Variants in ANKRD28 observed in about 807,000 individuals in gnomAD.
ANKRD28 encodes the protein serine/threonine-protein phosphatase 6 regulatory ankyrin repeat subunit A.
A neutral mutation model predicts 126.5 loss-of-function variants in ANKRD28; 44 were observed. The observed-to-expected ratio is 0.35, with a 90% CI of 0.27 to 0.45. The LOEUF is 0.45. ANKRD28 is among the 20% of genes least tolerant of loss of function. ANKRD28 has a pLI of 1.00. For missense variants in ANKRD28, 1,110 were observed against 1,316.6 expected (o/e 0.84, Z 2.43); for synonymous variants, 442 against 468.5 (o/e 0.94, Z 0.73).
intron 4 of ANKRD28, among the ~76,000 whole-genome samples, chr3:15,749,093 A>ATTTTTTTT (rs1559466121): frequency 1.6e-4 from 9 of 57,796 alleles, no homozygotes; most frequent in African/African-American, 4.0e-4. Context: ...ATTCTATATT[A>ATTTTTTTT]TGTTTTTGTT....
chr3:15,831,240 C>G (rs79642013), intron 1 of ANKRD28, among the ~76,000 whole-genome samples: 2 of 152,158 alleles, frequency 1.3e-5, no homozygotes, highest in African/African-American at 4.8e-5. Context: ...AGATCAAACT[C>G]CTGAGTATAT....
At chr3:15,727,858 G>A (rs1393162176) in intron 6 of ANKRD28, among the ~76,000 whole-genome samples, 1 of 152,200 alleles carries the variant, frequency 6.6e-6, no homozygotes. Flanking sequence ...CAGTGGTTTT[G>A]TGAGATGGAA....
In ANKRD28 at chr3:15,846,767, A is replaced by G. The variant is rs2061540611; in HGVS notation, c.27+12610T>C. On this transcript the variant is annotated intron_variant, in intron 1 of 27. Coordinates refer to the ANKRD28 transcript ENST00000399451. This position sits in a 1 kb window ranked among gnomAD's most constrained non-coding sequence, Gnocchi z 5.4. Reference sequence around the variant, plus strand: ...GGAGGCTGGAGACAACCCAGGCTGAAAGAAGTTCAGTTCTCTTTGACCCCT... The same window carrying G: ...GGAGGCTGGAGACAACCCAGGCTGAGAGAAGTTCAGTTCTCTTTGACCCCT... 6.6e-6 allele frequency among the ~76,000 whole-genome samples: 1 copy of G among 152,200 alleles called. No homozygotes were observed. The highest frequency in any genetic ancestry group is 1.5e-5 in the Non-Finnish European group (1 of 68,026).
chr3:15,820,178 C>T (rs1303622745), intron 1 of ANKRD28, among the ~76,000 whole-genome samples: 1 of 152,130 alleles, frequency 6.6e-6, no homozygotes, highest in Non-Finnish European at 1.5e-5. Context: ...TTGTTATGCA[C>T]CCACTTGTGC....
chr3:15,676,114 C>T (rs1455030603), intron 26 of ANKRD28, 125 bp from the exon 27 acceptor site: 4 of 632,858 alleles, frequency 6.3e-6, no homozygotes, highest in Non-Finnish European at 1.0e-5. Context: ...CTCGAGAAAC[C>T]TAGTCCTAAT....
At chr3:15,679,681 G>C (rs2067316899) in intron 21 of ANKRD28, 118 bp from the exon 22 acceptor site, 4 of 746,514 alleles carry the variant, frequency 5.4e-6, no homozygotes, top group Non-Finnish European at 8.8e-6. Flanking sequence ...CCATCTCCCA[G>C]ATCCCCTCTC....
chr3:15,671,729 G>A (rs1438348142), intron 27 of ANKRD28, among the ~76,000 whole-genome samples: 1 of 151,810 alleles, frequency 6.6e-6, no homozygotes, highest in Non-Finnish European at 1.5e-5. Context: ...GATTACACGT[G>A]TGTGCCACCA....
chr3:15,680,502 C>T (rs1028555861), intron 21 of ANKRD28, among the ~76,000 whole-genome samples: 4 of 152,098 alleles, frequency 2.6e-5, no homozygotes, highest in Non-Finnish European at 4.4e-5. Flanking sequence ...CCACCATGCC[C>T]GGCTAAAATC....
intron 10 of ANKRD28, 52 bp from the exon 11 acceptor site, chr3:15,712,274 A>T: frequency 7.3e-7 from 1 of 1,366,816 alleles, no homozygotes. Flanking sequence ...AGAAAAATAC[A>T]ATCAGTTAAA....
Position 15,857,656 on chromosome 3 carries a change from C to T in ANKRD28, c.27+1721G>A, listed in dbSNP as rs555352955. ...TATACATAAGACTGGAGTGGCATCA[C>T]AATTTTCTCACAACTGCAATTCCAA... On this transcript the variant is annotated intron_variant, in intron 1 of 27. Coordinates refer to the ANKRD28 transcript ENST00000399451. Among the ~76,000 whole-genome samples, 310 of 152,334 alleles carry T rather than the reference C, an allele frequency of 2.0e-3. 1 individual carries two copies. The highest frequency in any genetic ancestry group is 6.8e-3 in the Middle Eastern group (2 of 294).
In ANKRD28 at chr3:15,843,637, T is replaced by C. The variant is rs965070096; in HGVS notation, c.27+15740A>G. 6.7e-6 allele frequency among the ~76,000 whole-genome samples: 1 copy of C among 149,924 alleles called. No individual in the cohort carries two copies. The highest frequency in any genetic ancestry group is 2.5e-5 in the African/African-American group (1 of 40,576). ...AAATTAAAGTGTAGAAATAAAACAA[T>C]TTACAATAAGGAAAGGTATCAATAA... On this transcript the variant is annotated intron_variant, in intron 1 of 27. Transcript: ENST00000399451. This position sits in a 1 kb window ranked among gnomAD's most constrained non-coding sequence, Gnocchi z 5.2.
intron 1 of ANKRD28, among the ~76,000 whole-genome samples, chr3:15,808,529 T>C (rs2060638279): frequency 6.6e-6 from 1 of 152,204 alleles, no homozygotes; most frequent in Non-Finnish European, 1.5e-5. Context: ...CATCTTTCAT[T>C]TATTAAGTAC....
intron 1 of ANKRD28, chr3:15,859,339 C>G: frequency 6.6e-7 from 1 of 1,520,688 alleles, no homozygotes; most frequent in East Asian, 2.6e-5. Context: ...CCCTTCCTTC[C>G]CGGACGGCGC....
chr3:15,857,642 C>T (rs752452319), intron 1 of ANKRD28, among the ~76,000 whole-genome samples: 11 of 152,200 alleles, frequency 7.2e-5, no homozygotes, highest in Non-Finnish European at 1.3e-4. Context: ...ATACATAAGA[C>T]TGGAGTGGCA....
intron 7 of ANKRD28, among the ~76,000 whole-genome samples, chr3:15,722,040 C>T (rs546162579): frequency 7.2e-4 from 110 of 152,260 alleles, no homozygotes; most frequent in African/African-American, 2.6e-3. Context: ...ACCCTGTGCC[C>T]AGCCTTGTTT....
At chr3:15,755,527 G>A (rs1201052985) in intron 3 of ANKRD28, among the ~76,000 whole-genome samples, 1 of 152,066 alleles carries the variant, frequency 6.6e-6, no homozygotes, top group East Asian at 1.9e-4. Context: ...TACTTTAAAC[G>A]ACAAATTCAT....
chr3:15,741,494 G>A (rs1044761626), intron 4 of ANKRD28, among the ~76,000 whole-genome samples: 3 of 151,982 alleles, frequency 2.0e-5, no homozygotes, highest in African/African-American at 7.2e-5. Flanking sequence ...AGTTATTAGA[G>A]GGAATGTGTA....
intron 6 of ANKRD28, among the ~76,000 whole-genome samples, chr3:15,725,260 AC>A (rs2074067940): frequency 6.6e-6 from 1 of 152,186 alleles, no homozygotes; most frequent in Admixed American, 6.5e-5. Context: ...TATATAAGGA[AC>A]TTGAGTATCT....
intron 3 of ANKRD28, among the ~76,000 whole-genome samples, chr3:15,752,486 G>A (rs1450486910): frequency 6.6e-6 from 1 of 151,976 alleles, no homozygotes. Context: ...AACACATTAA[G>A]ACAAAAAAAT....
Sources: gnomAD v4.1 joint callset for allele counts (sites outside exome capture counted in the v4.1 genomes callset) on GRCh38, gnomAD v4.1.1 for gene constraint, Gnocchi (gnomAD v3.1) non-coding constraint, MANE v1.5 for transcripts, NCBI Gene and HGNC (gene_info 2026-07-23, HGNC 2026-07-21) for gene names.